GPM6B: variants seen among roughly 807,000 people sequenced by gnomAD.
GPM6B encodes the protein glycoprotein M6B.
In GPM6B, 4 loss-of-function variants were observed where a neutral mutation model predicts 27.2. That is an observed-to-expected ratio of 0.15 (90% CI 0.07 to 0.34). GPM6B has a LOEUF of 0.34. Among genes scored for constraint, GPM6B ranks in the 10% least tolerant of loss-of-function variants. The probability of loss-of-function intolerance (pLI) is 1.00; values close to 1 mark genes in which losing one functional copy is unlikely to be tolerated. For missense variants in GPM6B, 183 were observed against 261.9 expected, an observed-to-expected ratio of 0.70 and a Z score of 2.08; for synonymous variants, 124 against 103.1, an observed-to-expected ratio of 1.20 and a Z score of -1.23.
intron 1 of GPM6B, among the ~76,000 whole-genome samples, chrX:13,822,764 A>T (rs991667153): frequency 8.1e-5 from 9 of 111,697 alleles, no homozygotes; most frequent in Admixed American, 6.7e-4. Flanking sequence ...CTACTTGGAG[A>T]AAACAGAATG....
At chrX:13,918,834 G>C (rs1030306029) in intron 1 of GPM6B, among the ~76,000 whole-genome samples, 35 of 111,587 alleles carry the variant, frequency 3.1e-4, no homozygotes, top group African/African-American at 9.4e-4. Context: ...GAACTATCAG[G>C]AGGACAGTAC....
upstream of GPM6B, among the ~76,000 whole-genome samples, chrX:13,821,106 G>C (rs965971252): frequency 1.8e-5 from 2 of 111,094 alleles, no homozygotes; most frequent in African/African-American, 6.5e-5. Flanking sequence ...AAAGGATGAG[G>C]ACTAGCAAGC....
At chrX:13,784,383 G>A (rs1404476991) in intron 3 of GPM6B, among the ~76,000 whole-genome samples, 1 of 112,140 alleles carries the variant, frequency 8.9e-6, no homozygotes, top group Non-Finnish European at 1.9e-5. Flanking sequence ...TTGGAACTCA[G>A]TGAGTCCCCT....
At chrX:13,795,573 T>G (rs1236252153) in intron 2 of GPM6B, among the ~76,000 whole-genome samples, 1 of 111,405 alleles carries the variant, frequency 9.0e-6, no homozygotes, top group Non-Finnish European at 1.9e-5. Flanking sequence ...ATTAAAGAGA[T>G]TTGCAAAAAT....
chrX:13,809,278 C>T (rs2049080756), intron 1 of GPM6B, among the ~76,000 whole-genome samples: 1 of 111,959 alleles, frequency 8.9e-6, no homozygotes, highest in South Asian at 3.7e-4. Flanking sequence ...TTGGAAACCA[C>T]CATACATCCT....
At chrX:13,863,302 C>T (rs1210991457) in intron 1 of GPM6B, among the ~76,000 whole-genome samples, 1 of 111,757 alleles carries the variant, frequency 8.9e-6, no homozygotes, top group Non-Finnish European at 1.9e-5. Context: ...AATGTCCTAT[C>T]CACATGCTAA....
chrX:13,905,683 A>G (rs1460846645), intron 1 of GPM6B, among the ~76,000 whole-genome samples: 2 of 111,576 alleles, frequency 1.8e-5, no homozygotes, highest in African/African-American at 6.5e-5. Context: ...TAGACCAGCA[A>G]TATGTGTAAT....
intron 1 of GPM6B, among the ~76,000 whole-genome samples, chrX:13,865,697 C>A (rs112062415): frequency 0.026 from 2,809 of 107,576 alleles, 88 homozygotes; most frequent in African/African-American, 0.089. Context: ...GTCAAGGCTG[C>A]AGTGAGCTGA....
chrX:13,800,813 C>T (rs112140570), intron 2 of GPM6B, among the ~76,000 whole-genome samples: 1,581 of 110,500 alleles, frequency 0.014, 26 homozygotes, highest in African/African-American at 0.049. Context: ...TGGGACCCAT[C>T]GCAGAGAGGG....
intron 1 of GPM6B, among the ~76,000 whole-genome samples, chrX:13,871,853 G>C (rs916692266): frequency 5.4e-5 from 6 of 111,984 alleles, no homozygotes; most frequent in African/African-American, 1.9e-4. Flanking sequence ...TGCTGGGCTA[G>C]AGAATTAAAT....
At chrX:13,842,466 C>T (rs2049589665) in intron 1 of GPM6B, among the ~76,000 whole-genome samples, 1 of 111,491 alleles carries the variant, frequency 9.0e-6, no homozygotes, top group Non-Finnish European at 1.9e-5. Flanking sequence ...TCTCAATTTC[C>T]CCCTGTGGTT....
chrX:13,874,063 A>G (rs1250467177), intron 1 of GPM6B, among the ~76,000 whole-genome samples: 2 of 111,967 alleles, frequency 1.8e-5, no homozygotes, highest in African/African-American at 6.5e-5. Flanking sequence ...AGCTGCCAGC[A>G]ATTTACAACG....
At chrX:13,930,139 T>A in intron 1 of GPM6B, among the ~76,000 whole-genome samples, 1 of 112,301 alleles carries the variant, frequency 8.9e-6, no homozygotes, top group Non-Finnish European at 1.9e-5. Context: ...AAGTAAGCAA[T>A]TCTTACTTTT....
chrX:13,815,565 C>A (rs2049218961), intron 1 of GPM6B, among the ~76,000 whole-genome samples: 1 of 110,904 alleles, frequency 9.0e-6, no homozygotes, highest in South Asian at 3.8e-4. Context: ...AATTAAGGTG[C>A]TATGTACTTA....
chrX:13,811,020 G>A (rs1368414535), intron 1 of GPM6B, among the ~76,000 whole-genome samples: 2 of 112,530 alleles, frequency 1.8e-5, no homozygotes, highest in African/African-American at 6.5e-5. Flanking sequence ...CTAAAAGGCA[G>A]TCACAGGATT....
intron 1 of GPM6B, among the ~76,000 whole-genome samples, chrX:13,835,732 T>G (rs2049488101): frequency 8.9e-6 from 1 of 112,407 alleles, no homozygotes; most frequent in Non-Finnish European, 1.9e-5. Context: ...ATACAGGATT[T>G]TTTTCCAGTC....
chrX:13,793,955 T>C (rs889212151), intron 2 of GPM6B, among the ~76,000 whole-genome samples: 1 of 111,915 alleles, frequency 8.9e-6, no homozygotes, highest in African/African-American at 3.3e-5. Flanking sequence ...TTAGAATATA[T>C]TAAAAAACCT....
intron 2 of GPM6B, among the ~76,000 whole-genome samples, chrX:13,795,155 TTTAA>T (rs1201001323): frequency 8.9e-6 from 1 of 112,209 alleles, no homozygotes; most frequent in Non-Finnish European, 1.9e-5. Context: ...TTTGACATGG[TTTAA>T]TTAAATGTGT....
At chrX:13,897,847 C>T (rs2050247520) in intron 1 of GPM6B, among the ~76,000 whole-genome samples, 1 of 112,184 alleles carries the variant, frequency 8.9e-6, no homozygotes, top group Non-Finnish European at 1.9e-5. Context: ...AAGGGACAGG[C>T]ATTCCCATCC....
Sources: gnomAD v4.1 joint callset for allele counts (sites outside exome capture counted in the v4.1 genomes callset) on GRCh38, gnomAD v4.1.1 for gene constraint, MANE v1.5 for transcripts, NCBI Gene and HGNC (gene_info 2026-07-23, HGNC 2026-07-21) for gene names.